The following GNAZ variants were observed in gnomAD, a reference collection of about 807,000 sequenced individuals.
GNAZ encodes the protein guanine nucleotide-binding protein G(z) subunit alpha.
In GNAZ, 3 loss-of-function variants were observed where a neutral mutation model predicts 25.4. That is an observed-to-expected ratio of 0.12 (90% CI 0.05 to 0.30). GNAZ has a LOEUF of 0.30. Among genes scored for constraint, GNAZ ranks in the 10% least tolerant of loss-of-function variants. The pLI is 1.00. For missense variants in GNAZ, 241 were observed against 501.8 expected, an observed-to-expected ratio of 0.48 and a Z score of 4.97; for synonymous variants, 211 against 205.7, an observed-to-expected ratio of 1.03 and a Z score of -0.22.
intron 1 of GNAZ, among the ~76,000 whole-genome samples, chr22:23,083,978 GTGGTGGGTGGGAGA>G (rs2068746560): frequency 1.3e-5 from 2 of 152,160 alleles, no homozygotes; most frequent in African/African-American, 4.8e-5. Flanking sequence ...CACTGTGAGT[GTGGTGGGTGGGAGA>G]TGCAGCCAGA....
At chr22:23,075,684 G>T (rs567491694) in intron 1 of GNAZ, among the ~76,000 whole-genome samples, 2 of 152,332 alleles carry the variant, frequency 1.3e-5, no homozygotes, top group South Asian at 2.1e-4. Context: ...AAGCCCGGGG[G>T]TGTTCCTTCT....
intron 2 of GNAZ, among the ~76,000 whole-genome samples, chr22:23,104,913 AC>A (rs1208352316): frequency 6.6e-6 from 1 of 152,150 alleles, no homozygotes; most frequent in Non-Finnish European, 1.5e-5. Flanking sequence ...CAGGGGGGAC[AC>A]CCAGTGTTGG....
intron 2 of GNAZ, among the ~76,000 whole-genome samples, chr22:23,114,530 G>C (rs1340152164): frequency 6.6e-6 from 1 of 152,094 alleles, no homozygotes; most frequent in Non-Finnish European, 1.5e-5. Context: ...CTCGCCCCCT[G>C]CATTCCTGTG....
At chr22:23,076,414 G>A (rs1451944583) in intron 1 of GNAZ, among the ~76,000 whole-genome samples, 1 of 152,208 alleles carries the variant, frequency 6.6e-6, no homozygotes. Context: ...CCCTAGGGCT[G>A]AGCTGTGTGC....
chr22:23,103,769 G>A (rs2069375089), intron 2 of GNAZ, among the ~76,000 whole-genome samples: 1 of 152,194 alleles, frequency 6.6e-6, no homozygotes, highest in African/African-American at 2.4e-5. Flanking sequence ...GACAAACTCA[G>A]TCTAGGGACA....
chr22:23,096,901 G>A (rs1364292095), intron 2 of GNAZ, among the ~76,000 whole-genome samples: 2 of 152,248 alleles, frequency 1.3e-5, no homozygotes, highest in African/African-American at 4.8e-5. Context: ...CTTTCACAGT[G>A]GCATGGGCGC....
chr22:23,119,549 C>A (rs1227286606), intron 2 of GNAZ, among the ~76,000 whole-genome samples: 2 of 152,232 alleles, frequency 1.3e-5, no homozygotes, highest in Non-Finnish European at 2.9e-5. Context: ...ACCACACTGT[C>A]CCATGCTGGG....
intron 2 of GNAZ, among the ~76,000 whole-genome samples, chr22:23,108,404 C>T (rs1376914198): frequency 6.6e-6 from 1 of 152,266 alleles, no homozygotes; most frequent in East Asian, 1.9e-4. Flanking sequence ...AGCTGACCAG[C>T]TACACAAACC....
intron 2 of GNAZ, among the ~76,000 whole-genome samples, chr22:23,108,367 G>A (rs145114826): frequency 3.9e-4 from 59 of 152,364 alleles, no homozygotes; most frequent in African/African-American, 1.3e-3. Context: ...TTGTGACTAG[G>A]GCTTACTTCA....
intron 1 of GNAZ, among the ~76,000 whole-genome samples, chr22:23,077,999 T>G (rs948231238): frequency 6.6e-6 from 1 of 152,178 alleles, no homozygotes; most frequent in Non-Finnish European, 1.5e-5. Flanking sequence ...GGCATGTCCC[T>G]CTGGCCTTAG....
At chr22:23,118,781 C>G (rs1227805848) in intron 2 of GNAZ, among the ~76,000 whole-genome samples, 3 of 152,242 alleles carry the variant, frequency 2.0e-5, no homozygotes, top group Admixed American at 2.0e-4. Context: ...AAAGCTGCAT[C>G]CAGCTCTACC....
intron 2 of GNAZ, among the ~76,000 whole-genome samples, chr22:23,104,552 A>G (rs1385996846): frequency 6.6e-6 from 1 of 152,210 alleles, no homozygotes; most frequent in East Asian, 1.9e-4. Context: ...ACACATGAGA[A>G]CAGCTCTGGG....
At chr22:23,110,840 C>G (rs543718353) in intron 2 of GNAZ, among the ~76,000 whole-genome samples, 6 of 152,302 alleles carry the variant, frequency 3.9e-5, no homozygotes, top group African/African-American at 1.2e-4. Context: ...TGGGAAGGAC[C>G]CAAGGGCCCA....
At chr22:23,112,422 A>C (rs1018964029) in intron 2 of GNAZ, among the ~76,000 whole-genome samples, 2 of 152,174 alleles carry the variant, frequency 1.3e-5, no homozygotes, top group African/African-American at 4.8e-5. Flanking sequence ...TCCACCAGGT[A>C]CATGGTTGAA....
chr22:23,095,712 G>A lies in GNAZ; in HGVS notation c.17G>A (p.Ser6Asn). The A allele has an allele frequency of 6.2e-7, 1 of 1,609,564 alleles. No individual in the cohort carries two copies. ...TGCCAGACCATGGGATGTCGGCAAA[G>A]CTCAGAGGAAAAAGAAGCAGCCCGG... MGCRQ[S>N]SEEKEAARRS... The change falls in exon 2 of 3, where the codon AGC becomes AAC. Residue 6 changes from serine to asparagine, a missense_variant. Physicochemically the swap from Ser to Asn is conservative, Grantham distance 46. Coordinates refer to ENST00000615612, the MANE Select transcript of GNAZ (RefSeq NM_002073.4).
intron 2 of GNAZ, among the ~76,000 whole-genome samples, chr22:23,118,177 G>A (rs1448074817): frequency 1.3e-5 from 2 of 152,318 alleles, no homozygotes; most frequent in East Asian, 3.9e-4. Context: ...GCCAGGAAAT[G>A]ACTTCCACAC....
chr22:23,100,222 C>T (rs1306274064), intron 2 of GNAZ, among the ~76,000 whole-genome samples: 2 of 152,228 alleles, frequency 1.3e-5, no homozygotes, highest in Non-Finnish European at 2.9e-5. Flanking sequence ...AGCCCAGCTA[C>T]AGCTTCATTT....
chr22:23,113,665 C>A (rs2069725118), intron 2 of GNAZ, among the ~76,000 whole-genome samples: 1 of 152,244 alleles, frequency 6.6e-6, no homozygotes, highest in African/African-American at 2.4e-5. Flanking sequence ...ACCACAGGCC[C>A]CTCCACTCGG....
At chr22:23,083,769 G>A (rs1250117441) in intron 1 of GNAZ, among the ~76,000 whole-genome samples, 1 of 152,224 alleles carries the variant, frequency 6.6e-6, no homozygotes, top group African/African-American at 2.4e-5. Flanking sequence ...TTCTTCCCCA[G>A]GGGAAGTCCA....
Sources: allele counts gnomAD v4.1 joint callset (sites outside exome capture counted in the v4.1 genomes callset), GRCh38; gene constraint gnomAD v4.1.1; transcripts MANE v1.5; gene names NCBI Gene and HGNC (gene_info 2026-07-23, HGNC 2026-07-21).